The following AKT3 variants were observed in gnomAD, a reference collection of about 807,000 sequenced individuals.
The protein encoded by AKT3 is RAC-gamma serine/threonine-protein kinase.
A neutral mutation model predicts 65.3 loss-of-function variants in AKT3; 15 were observed. The ratio of observed to expected loss-of-function variants is 0.23; its 90% CI spans 0.15 to 0.35. The LOEUF (loss-of-function observed/expected upper bound fraction) is 0.35, where lower values mean the gene tolerates loss of function less well. Ranked by LOEUF, AKT3 falls within the 10% of genes least tolerant of loss-of-function variation. AKT3 has a pLI of 1.00. For missense variants in AKT3, 243 were observed against 576.5 expected (o/e 0.42, Z 5.92); for synonymous variants, 206 against 183.8 (o/e 1.12, Z -0.98).
intron 2 of AKT3, among the ~76,000 whole-genome samples, chr1:243,803,562 A>C (rs992351721): frequency 4.6e-5 from 7 of 152,094 alleles, no homozygotes; most frequent in Non-Finnish European, 1.0e-4. Flanking sequence ...GCAATCAAAG[A>C]CTAATTCCTT....
At chr1:243,608,388 G>C (rs949706162) in intron 8 of AKT3, among the ~76,000 whole-genome samples, 4 of 152,170 alleles carry the variant, frequency 2.6e-5, no homozygotes, top group Non-Finnish European at 4.4e-5. Flanking sequence ...AGATGCTATT[G>C]TTAATTAAAA....
At chr1:243,555,356 G>A (rs1673339043) in intron 10 of AKT3, among the ~76,000 whole-genome samples, 1 of 152,058 alleles carries the variant, frequency 6.6e-6, no homozygotes, top group African/African-American at 2.4e-5. Context: ...TATCCTACAT[G>A]TGGATACATA....
At chr1:243,675,569 C>T (rs753015337) in intron 3 of AKT3, among the ~76,000 whole-genome samples, 8 of 152,238 alleles carry the variant, frequency 5.3e-5, no homozygotes, top group Non-Finnish European at 7.3e-5. Flanking sequence ...CCATTCCTCT[C>T]CTTCGTTTTG....
rs1323911876 is a variant in AKT3 at position 243,617,516 on chromosome 1, T to C, written c.562-2355A>G. On this transcript the variant is annotated intron_variant, in intron 6 of 13. Transcript: ENST00000673466. ...AAGATCCCATTGCTCACAGAGTTCA[T>C]AGGCTAGTGGAAAACACAAACAAGT... 4.6e-5 allele frequency among the ~76,000 whole-genome samples: 7 copies of C among 152,170 alleles called. No individual in the cohort carries two copies. The East Asian group carries it at 7.7e-4, about 17-fold the overall frequency.
intron 2 of AKT3, among the ~76,000 whole-genome samples, chr1:243,767,633 T>C (rs1689914888): frequency 6.6e-6 from 1 of 152,220 alleles, no homozygotes; most frequent in Admixed American, 6.5e-5. Context: ...GAAAGATTTG[T>C]CATTTAGAGA....
chr1:243,517,176 A>G (rs571128383), intron 12 of AKT3, among the ~76,000 whole-genome samples: 24 of 152,284 alleles, frequency 1.6e-4, no homozygotes, highest in Non-Finnish European at 2.9e-4. Context: ...CTTCAAAGAG[A>G]AAATGTTTTA....
intron 12 of AKT3, among the ~76,000 whole-genome samples, chr1:243,544,245 GA>G (rs377475491): frequency 0.013 from 952 of 73,232 alleles, 5 homozygotes; most frequent in Middle Eastern, 0.023. Flanking sequence ...GGTAGTGGGG[GA>G]AAAAAAAAAA....
intron 10 of AKT3, among the ~76,000 whole-genome samples, chr1:243,555,523 T>A (rs1438578241): frequency 6.6e-6 from 1 of 152,196 alleles, no homozygotes; most frequent in East Asian, 1.9e-4. Context: ...TTTTTCTCCC[T>A]CTACTCAAAG....
rs747780262 is a variant in AKT3 at position 243,693,242 on chromosome 1, T to TTATATATATATATA, written c.172+2348_172+2349insTATATATATATATA. Among the ~76,000 whole-genome samples the TTATATATATATATA allele has an allele frequency of 2.1e-3, 125 of 59,972 alleles. 41 individuals carry two copies. The highest frequency in any genetic ancestry group is 3.0e-3 in the Non-Finnish European group (91 of 30,526). 39.3% of individuals were successfully genotyped at this position (59,972 alleles called of 152,430 possible). A position where few individuals can be genotyped will look rare whatever the true frequency, so the allele number is the denominator to read the frequency against. ...ATATATCCCTTTGGTAGCTACAATT[T>TTATATATATATATA]GATATATATATATATATATATATAT... On this transcript the variant is annotated intron_variant, in intron 3 of 13. Coordinates refer to ENST00000673466, the MANE Select transcript of AKT3 (RefSeq NM_005465.7).
At chr1:243,584,119 T>C (rs1675620476) in intron 8 of AKT3, among the ~76,000 whole-genome samples, 1 of 152,002 alleles carries the variant, frequency 6.6e-6, no homozygotes, top group Non-Finnish European at 1.5e-5. Flanking sequence ...TAACCACAAT[T>C]AGAAATGACA....
intron 2 of AKT3, among the ~76,000 whole-genome samples, chr1:243,715,446 G>C (rs1379191120): frequency 6.6e-6 from 1 of 151,844 alleles, no homozygotes; most frequent in Non-Finnish European, 1.5e-5. Flanking sequence ...CATTATACTG[G>C]GCCGACTTTG....
chr1:243,492,934 C>A (rs1055192687), intron 13 of AKT3, among the ~76,000 whole-genome samples: 1 of 152,064 alleles, frequency 6.6e-6, no homozygotes, highest in African/African-American at 2.4e-5. Context: ...AGGGTGACTA[C>A]AAATAATGGC....
intron 2 of AKT3, among the ~76,000 whole-genome samples, chr1:243,774,948 G>A (rs1450695528): frequency 1.3e-5 from 2 of 151,934 alleles, no homozygotes; most frequent in African/African-American, 2.4e-5. Context: ...CTGCAGCCTC[G>A]ACCTCCCAGG....
intron 2 of AKT3, among the ~76,000 whole-genome samples, chr1:243,717,178 C>G (rs148738035): frequency 1.5e-3 from 230 of 152,316 alleles, no homozygotes; most frequent in Non-Finnish European, 2.7e-3. Flanking sequence ...ACCCATGACA[C>G]ATAATACATT....
chr1:243,705,474 A>G (rs1572202165), intron 2 of AKT3, among the ~76,000 whole-genome samples: 2 of 152,326 alleles, frequency 1.3e-5, no homozygotes, highest in South Asian at 2.1e-4. Context: ...AAATTGACTA[A>G]TCAAATCCTT....
intron 12 of AKT3, among the ~76,000 whole-genome samples, chr1:243,533,453 T>TACAC (rs1671682977): frequency 6.6e-6 from 1 of 152,214 alleles, no homozygotes; most frequent in Non-Finnish European, 1.5e-5. Flanking sequence ...GCAAAGTACC[T>TACAC]ATGGCAATTG....
intron 6 of AKT3, chr1:243,624,768 T>A: frequency 4.9e-6 from 1 of 203,746 alleles, no homozygotes; most frequent in Non-Finnish European, 1.1e-5. Context: ...TGTCATCCCA[T>A]TTCTGTATGT....
chr1:243,714,851 C>T (rs1027084565), intron 2 of AKT3, among the ~76,000 whole-genome samples: 2 of 151,938 alleles, frequency 1.3e-5, no homozygotes, highest in African/African-American at 4.8e-5. Context: ...ATATAGGGAA[C>T]AAGATTAGTT....
At chr1:243,629,193 T>C (rs1307660756) in intron 6 of AKT3, among the ~76,000 whole-genome samples, 1 of 151,980 alleles carries the variant, frequency 6.6e-6, no homozygotes, top group Non-Finnish European at 1.5e-5. Context: ...GGAGAATCTC[T>C]TGCACCTGGG....
Sources: gnomAD v4.1 joint callset for allele counts (sites outside exome capture counted in the v4.1 genomes callset) on GRCh38, gnomAD v4.1.1 for gene constraint, MANE v1.5 for transcripts, NCBI Gene and HGNC (gene_info 2026-07-23, HGNC 2026-07-21) for gene names.